JPH2: variants seen among roughly 807,000 people sequenced by gnomAD.
The protein encoded by JPH2 is junctophilin-2.
In JPH2, 38 loss-of-function variants were observed where a neutral mutation model predicts 55.9. The ratio of observed to expected loss-of-function variants is 0.68; its 90% CI spans 0.52 to 0.89. The LOEUF (loss-of-function observed/expected upper bound fraction) is 0.89, where lower values mean the gene tolerates loss of function less well. Among genes scored for constraint, JPH2 ranks in the 40% least tolerant of loss-of-function variants. The pLI is 0.00. For synonymous variants in JPH2, 480 were observed against 472.4 expected, an observed-to-expected ratio of 1.02 and a Z score of -0.21; for missense variants, 964 against 1,037.6, an observed-to-expected ratio of 0.93 and a Z score of 0.97.
chr20:44,109,203 G>A lies in JPH2; in HGVS notation c.*4315C>T, dbSNP rs1051176053. Among the ~76,000 whole-genome samples, 11 of 152,100 alleles carry A rather than the reference G, an allele frequency of 7.2e-5. No individual in the cohort carries two copies. The highest frequency in any genetic ancestry group is 2.7e-4 in the African/African-American group (11 of 41,400). The stretch of plus-strand genomic sequence containing the variant: ...TGTCCTTCCCTCTCTGTGATACCTT[G>A]AACCAATCACTCCATCTCCCCAAGG... On this transcript the variant is annotated 3_prime_UTR_variant, in exon 6 of 6. Coordinates refer to ENST00000372980, the MANE Select transcript of JPH2 (RefSeq NM_020433.5).
At chr20:44,118,770 ACTG>A in intron 2 of JPH2, 147 bp from the exon 3 acceptor site, 1 of 704,272 alleles carries the variant, frequency 1.4e-6, no homozygotes. Flanking sequence ...CATGGCCCAG[ACTG>A]CTATGCATTC....
intron 2 of JPH2, among the ~76,000 whole-genome samples, chr20:44,121,006 A>T (rs1484510530): frequency 1.3e-5 from 2 of 152,260 alleles, no homozygotes; most frequent in African/African-American, 4.8e-5. Flanking sequence ...ACTATTTAAT[A>T]AAATGCAATT....
chr20:44,134,042 ATATAAATATATATTTAT>A lies in JPH2; in HGVS notation c.1170-15436_1170-15420del, dbSNP rs1164129943. Among the ~76,000 whole-genome samples, 7 of 9,574 alleles carry A rather than the reference ATATAAATATATATTTAT, an allele frequency of 7.3e-4. 2 individuals are homozygous for A. The highest frequency in any genetic ancestry group is 1.3e-3 in the Non-Finnish European group (7 of 5,308). 6.3% of individuals were successfully genotyped at this position (9,574 alleles called of 152,430 possible). A position where few individuals can be genotyped will look rare whatever the true frequency, so the allele number is the denominator to read the frequency against. On this transcript the variant is annotated intron_variant, in intron 2 of 5. Coordinates refer to ENST00000372980, the MANE Select transcript of JPH2 (RefSeq NM_020433.5). ...TAAATATATATAAATATATATTTAT[ATATAAATATATATTTAT>A]TATAAATATATAAATATATATTTAT...
At chr20:44,185,389 C>T (rs1185931926) in intron 1 of JPH2, among the ~76,000 whole-genome samples, 1 of 151,496 alleles carries the variant, frequency 6.6e-6, no homozygotes, top group African/African-American at 2.4e-5. Context: ...TTTGGGAGGC[C>T]GAGACAGGCA....
chr20:44,134,663 T>TAC (rs374777754), intron 2 of JPH2, among the ~76,000 whole-genome samples: 10,362 of 27,266 alleles, frequency 0.38, 2,528 homozygotes, highest in South Asian at 0.48. Flanking sequence ...TATAAATATA[T>TAC]ATAAATATAT....
chr20:44,172,680 G>T (rs1417584274), intron 1 of JPH2, among the ~76,000 whole-genome samples: 1 of 151,994 alleles, frequency 6.6e-6, no homozygotes, highest in Non-Finnish European at 1.5e-5. Context: ...GTAGAGATGT[G>T]GTCTCGCTAT....
At chr20:44,150,916 G>C (rs2072526134) in intron 2 of JPH2, among the ~76,000 whole-genome samples, 2 of 152,086 alleles carry the variant, frequency 1.3e-5, no homozygotes, top group African/African-American at 4.8e-5. Flanking sequence ...TGTAGCCCCA[G>C]CTACTTGGGA....
At chr20:44,124,653 T>TAAA (rs558292729) in intron 2 of JPH2, among the ~76,000 whole-genome samples, 2 of 143,370 alleles carry the variant, frequency 1.4e-5, no homozygotes, top group Non-Finnish European at 3.1e-5. Context: ...AACTCTATCT[T>TAAA]AAAAAAAAAA....
At chr20:44,162,878 A>G (rs1453410672) in intron 1 of JPH2, among the ~76,000 whole-genome samples, 1 of 148,322 alleles carries the variant, frequency 6.7e-6, no homozygotes, top group East Asian at 2.0e-4. Flanking sequence ...ACCCTGTTTA[A>G]AACTGCAATC....
At chr20:44,162,813 C>CACACAT (rs1555859094) in intron 1 of JPH2, among the ~76,000 whole-genome samples, 1,737 of 112,732 alleles carry the variant, frequency 0.015, 60 homozygotes, top group Middle Eastern at 0.023. Flanking sequence ...CACACACACA[C>CACACAT]ACACACACAC....
chr20:44,131,633 GCTGTTCCTGC>G (rs2072319874), intron 2 of JPH2, among the ~76,000 whole-genome samples: 2 of 152,176 alleles, frequency 1.3e-5, no homozygotes, highest in African/African-American at 4.8e-5. Flanking sequence ...CGAAGGGTTA[GCTGTTCCTGC>G]CATACTTTTA....
intron 2 of JPH2, among the ~76,000 whole-genome samples, chr20:44,122,554 C>T (rs970865030): frequency 6.6e-6 from 1 of 152,204 alleles, no homozygotes; most frequent in African/African-American, 2.4e-5. Flanking sequence ...CTCACTTACT[C>T]ACTCACCTCA....
intron 1 of JPH2, among the ~76,000 whole-genome samples, chr20:44,185,669 AGATGGATGGATG>A (rs34539425): frequency 4.7e-5 from 7 of 148,048 alleles, no homozygotes; most frequent in South Asian, 2.2e-4. Flanking sequence ...GATGGATCAT[AGATGGATGGATG>A]GATGGATGGA....
intron 1 of JPH2, among the ~76,000 whole-genome samples, chr20:44,162,694 C>A (rs1322728258): frequency 7.6e-5 from 11 of 145,080 alleles, no homozygotes; most frequent in Middle Eastern, 3.6e-3. Flanking sequence ...TTGTGGACAG[C>A]CCATTGTGGG....
At chr20:44,117,868 G>A (rs942580680) in intron 3 of JPH2, among the ~76,000 whole-genome samples, 4 of 152,202 alleles carry the variant, frequency 2.6e-5, no homozygotes, top group Admixed American at 2.6e-4. Flanking sequence ...AGAGCTTACT[G>A]AGGACTGGGA....
At chr20:44,118,477 C>T (rs747521466) in intron 3 of JPH2, 28 bp downstream of exon 3, 8 of 1,548,470 alleles carry the variant, frequency 5.2e-6, no homozygotes, top group Non-Finnish European at 6.2e-6. Context: ...TAGCCCTACC[C>T]TGCCCATCCT....
At chr20:44,113,792 C>T (rs893765956) in intron 5 of JPH2, among the ~76,000 whole-genome samples, 2 of 150,288 alleles carry the variant, frequency 1.3e-5, no homozygotes, top group African/African-American at 4.9e-5. Flanking sequence ...TGGTTCACTC[C>T]TTTTCACCCT....
chr20:44,136,710 G>A (rs2072415963), intron 2 of JPH2, among the ~76,000 whole-genome samples: 1 of 152,088 alleles, frequency 6.6e-6, no homozygotes, highest in Admixed American at 6.5e-5. Flanking sequence ...CAGACAACCT[G>A]GTTTCAAACC....
At chr20:44,182,602 G>C (rs6130559) in intron 1 of JPH2, among the ~76,000 whole-genome samples, 54,393 of 152,078 alleles carry the variant, frequency 0.36, 10,533 homozygotes, top group Admixed American at 0.52. Flanking sequence ...GCACTGCCTC[G>C]GGGCCTTTGC....
Sources: allele counts gnomAD v4.1 joint callset (sites outside exome capture counted in the v4.1 genomes callset), GRCh38; gene constraint gnomAD v4.1.1; transcripts MANE v1.5; gene names NCBI Gene and HGNC (gene_info 2026-07-23, HGNC 2026-07-21).